SPOPL: variants seen among roughly 807,000 people sequenced by gnomAD.
SPOPL encodes the protein speckle type BTB/POZ protein like.
In SPOPL, 23 loss-of-function variants were observed where a neutral mutation model predicts 53.8. That is an observed-to-expected ratio of 0.43 (90% CI 0.31 to 0.61). The LOEUF (loss-of-function observed/expected upper bound fraction) is 0.61, where lower values mean the gene tolerates loss of function less well. Ranked by LOEUF, SPOPL falls within the 20% of genes least tolerant of loss-of-function variation. SPOPL has a pLI of 0.12. For missense variants in SPOPL, 442 were observed against 466.9 expected, an observed-to-expected ratio of 0.95 and a Z score of 0.49; for synonymous variants, 164 against 149.7, an observed-to-expected ratio of 1.10 and a Z score of -0.70.
intron 1 of SPOPL, among the ~76,000 whole-genome samples, chr2:138,541,051 A>T (rs1333790373): frequency 1.3e-5 from 2 of 152,004 alleles, no homozygotes; most frequent in African/African-American, 4.8e-5. Flanking sequence ...ACGTTTATTG[A>T]TTTGCATATG....
intron 8 of SPOPL, 27 bp from the exon 9 acceptor site, chr2:138,564,681 T>C (rs1446488055): frequency 6.2e-7 from 1 of 1,612,538 alleles, no homozygotes; most frequent in African/African-American, 1.3e-5. Flanking sequence ...AGTAAATGTT[T>C]AATGGTTATG....
At chr2:138,539,406 C>T (rs1338987732) in intron 1 of SPOPL, among the ~76,000 whole-genome samples, 3 of 152,036 alleles carry the variant, frequency 2.0e-5, no homozygotes, top group Non-Finnish European at 4.4e-5. Context: ...TCCTCTCCAG[C>T]ACCTGTTGTT....
intron 1 of SPOPL, among the ~76,000 whole-genome samples, chr2:138,544,101 C>T (rs1181986001): frequency 6.6e-6 from 1 of 152,178 alleles, no homozygotes; most frequent in Non-Finnish European, 1.5e-5. Context: ...GAAGTTTTGT[C>T]TCAGAGGAGT....
At chr2:138,537,520 C>G (rs144761126) in intron 1 of SPOPL, among the ~76,000 whole-genome samples, 99 of 152,318 alleles carry the variant, frequency 6.5e-4, no homozygotes, top group African/African-American at 2.2e-3. Flanking sequence ...GGCTGTCTGC[C>G]TGTGGATTTC....
At position 138,559,068 on chromosome 2, in the gene SPOPL, C is replaced by A. The variant is rs763990686; in HGVS notation, c.527C>A (p.Thr176Lys). The stretch of plus-strand genomic sequence containing the variant: ...GTAAACATATCAGGACATACTAATA[C>A]AAATACTTTGAAGGTGCCTGAGTGT... ...DSVNISGHTN[T>K]NTLKVPECRL... Residue 176 changes from threonine (T) to lysine (K), a missense_variant, in exon 6 of 11, where the codon ACA becomes AAA. Transcript: ENST00000280098. 1 of 1,613,122 alleles carries A rather than the reference C, an allele frequency of 6.2e-7. No individual in the cohort carries two copies. The highest frequency in any genetic ancestry group is 1.1e-5 in the South Asian group (1 of 91,010).
intron 5 of SPOPL, among the ~76,000 whole-genome samples, chr2:138,556,463 A>G (rs1685425855): frequency 6.6e-6 from 1 of 152,220 alleles, no homozygotes; most frequent in South Asian, 2.1e-4. Context: ...GAACAGATCC[A>G]GTTTTTTCTG....
chr2:138,565,232 A>G (rs1170036595), intron 10 of SPOPL, among the ~76,000 whole-genome samples: 1 of 152,204 alleles, frequency 6.6e-6, no homozygotes, highest in Non-Finnish European at 1.5e-5. Flanking sequence ...AATGCCATGT[A>G]GTATATAGCA....
At chr2:138,529,527 T>C (rs1454094201) in intron 1 of SPOPL, among the ~76,000 whole-genome samples, 23 of 148,458 alleles carry the variant, frequency 1.5e-4, no homozygotes, top group Middle Eastern at 3.5e-3. Context: ...TGTGTGTGTG[T>C]GTGTGTGTTT....
chr2:138,559,730 A>G (rs1157318795), intron 7 of SPOPL, among the ~76,000 whole-genome samples: 1 of 152,222 alleles, frequency 6.6e-6, no homozygotes, highest in African/African-American at 2.4e-5. Context: ...AGATGACATC[A>G]GTATTATTGT....
At chr2:138,512,759 T>A (rs1684353670) in intron 1 of SPOPL, among the ~76,000 whole-genome samples, 4 of 152,238 alleles carry the variant, frequency 2.6e-5, no homozygotes, top group Admixed American at 2.6e-4. Flanking sequence ...TATTTTGGAC[T>A]CACATTATTC....
chr2:138,532,457 C>T (rs538324397), intron 1 of SPOPL, among the ~76,000 whole-genome samples: 4 of 124,360 alleles, frequency 3.2e-5, no homozygotes, highest in South Asian at 2.7e-4. Flanking sequence ...GATAGAATCT[C>T]GCTCTGTCGC....
chr2:138,559,226 G>A (rs1301862745), intron 6 of SPOPL, 27 bp downstream of exon 6: 21 of 1,610,070 alleles, frequency 1.3e-5, no homozygotes, highest in Non-Finnish European at 1.5e-5. Flanking sequence ...GGGTAATATA[G>A]TACATTTAAA....
intron 5 of SPOPL, among the ~76,000 whole-genome samples, chr2:138,554,821 T>C (rs376330531): frequency 6.6e-6 from 1 of 151,818 alleles, no homozygotes; most frequent in Non-Finnish European, 1.5e-5. Context: ...AAAATATATA[T>C]AAACAAGTAT....
chr2:138,569,221 T>C lies in SPOPL; in HGVS notation c.*141T>C. The C allele has an allele frequency of 1.1e-6, 1 of 894,170 alleles. No individual in the cohort carries two copies. Among genetic ancestry groups the C allele is most frequent in the Non-Finnish European group, 1.7e-6 (1 of 584,102 alleles). 55.4% of individuals were successfully genotyped at this position (894,170 alleles called of 1,614,324 possible). ...AAGCTGAAAAAGCATATTGCTTGCA[T>C]TTCAGGTGGATAATTTATGGTTTAT... On this transcript the variant is annotated 3_prime_UTR_variant, in exon 11 of 11. Transcript: ENST00000280098.
rs1210400102 is a variant in SPOPL at position 138,501,860 on chromosome 2, G to T, written c.-320G>T. On this transcript the variant is annotated 5_prime_UTR_variant, in exon 1 of 11. Transcript: ENST00000280098. ...CGCGGCGGGGGGGTGGGGGCTGCGC[G>T]GGGGCGGGAGTGGCGGAGGTGGCCG... 1.3e-5 allele frequency: 2 copies of T among 152,956 alleles called. No homozygotes were observed. Among genetic ancestry groups the T allele is most frequent in the African/African-American group, 2.4e-5 (1 of 41,410 alleles). The allele number at this position is 152,956 out of a possible 1,614,324, so 9.5% of individuals were successfully genotyped here.
intron 1 of SPOPL, among the ~76,000 whole-genome samples, chr2:138,537,751 A>C (rs1684968179): frequency 6.6e-6 from 1 of 152,152 alleles, no homozygotes; most frequent in African/African-American, 2.4e-5. Context: ...AGGACAGAGC[A>C]GCTCCTGGTT....
At chr2:138,542,540 A>C (rs565664454) in intron 1 of SPOPL, among the ~76,000 whole-genome samples, 2 of 152,230 alleles carry the variant, frequency 1.3e-5, no homozygotes, top group East Asian at 1.9e-4. Flanking sequence ...CTGTTTTATC[A>C]GAGACTAGGA....
chr2:138,541,480 A>T (rs933817714), intron 1 of SPOPL, among the ~76,000 whole-genome samples: 3 of 146,492 alleles, frequency 2.0e-5, no homozygotes, highest in Admixed American at 1.3e-4. Flanking sequence ...GGGAGGGTGT[A>T]TGTGTTGAGG....
At chr2:138,525,026 G>A (rs887886417) in intron 1 of SPOPL, among the ~76,000 whole-genome samples, 11 of 152,212 alleles carry the variant, frequency 7.2e-5, no homozygotes, top group South Asian at 2.1e-4. Flanking sequence ...TTTCAGCAGT[G>A]CCCCACTCTA....
Sources: gnomAD v4.1 joint callset for allele counts (sites outside exome capture counted in the v4.1 genomes callset) on GRCh38, gnomAD v4.1.1 for gene constraint, MANE v1.5 for transcripts, NCBI Gene and HGNC (gene_info 2026-07-23, HGNC 2026-07-21) for gene names.